Variants in CSNK2A2IP observed in about 807,000 individuals in gnomAD.
The protein encoded by CSNK2A2IP is casein kinase 2 subunit alpha' interacting protein, also known as casein kinase II subunit alpha'-interacting protein.
At chr3:88,424,060 C>T in the CSNK2A2IP span, among the ~76,000 whole-genome samples, 1 of 152,236 alleles carries the variant, frequency 6.6e-6, no homozygotes, top group Admixed American at 6.5e-5. Flanking sequence ...CCCAACTCTT[C>T]CTTTAAATTA....
the CSNK2A2IP span, among the ~76,000 whole-genome samples, chr3:88,352,242 T>C: frequency 6.6e-6 from 1 of 152,164 alleles, no homozygotes; most frequent in Non-Finnish European, 1.5e-5. Context: ...TCTATCTATC[T>C]GAATACATGC....
chr3:88,442,203 T>A, the CSNK2A2IP span, among the ~76,000 whole-genome samples: 3 of 152,118 alleles, frequency 2.0e-5, no homozygotes, highest in South Asian at 2.1e-4. Context: ...CTATGAATTT[T>A]TTTAAAATTT....
chr3:88,364,809 C>G, the CSNK2A2IP span, among the ~76,000 whole-genome samples: 1 of 152,078 alleles, frequency 6.6e-6, no homozygotes, highest in East Asian at 1.9e-4. Flanking sequence ...CAATGAAGCA[C>G]AGATTTTAGA....
the CSNK2A2IP span, among the ~76,000 whole-genome samples, chr3:88,424,139 A>C: frequency 1.3e-5 from 2 of 152,096 alleles, no homozygotes; most frequent in Non-Finnish European, 2.9e-5. Context: ...TTCCAGGCCT[A>C]ATTTTTCCTA....
the CSNK2A2IP span, among the ~76,000 whole-genome samples, chr3:88,389,447 A>G: frequency 0.038 from 5,727 of 152,274 alleles, 266 homozygotes; most frequent in African/African-American, 0.11. Flanking sequence ...GAGCAGAGGA[A>G]AATGAGGTTG....
the CSNK2A2IP span, among the ~76,000 whole-genome samples, chr3:88,407,391 T>C: frequency 6.6e-6 from 1 of 152,038 alleles, no homozygotes; most frequent in African/African-American, 2.4e-5. Flanking sequence ...TGTTTTTATG[T>C]TTTTATGGAT....
chr3:88,369,341 C>T, the CSNK2A2IP span, among the ~76,000 whole-genome samples: 2 of 151,716 alleles, frequency 1.3e-5, no homozygotes, highest in South Asian at 2.1e-4. Flanking sequence ...TGTTGTGTGA[C>T]AAATTCAGAC....
At chr3:88,364,411 G>T in the CSNK2A2IP span, among the ~76,000 whole-genome samples, 3 of 151,864 alleles carry the variant, frequency 2.0e-5, no homozygotes, top group East Asian at 5.8e-4. Context: ...GCTTCCATTT[G>T]TACTATTGCC....
the CSNK2A2IP span, among the ~76,000 whole-genome samples, chr3:88,426,845 C>T: frequency 7.3e-6 from 1 of 136,934 alleles, no homozygotes; most frequent in African/African-American, 2.7e-5. Context: ...GCTTTATTAG[C>T]AGTGTGAGAA....
At chr3:88,374,629 T>G in the CSNK2A2IP span, among the ~76,000 whole-genome samples, 1 of 151,704 alleles carries the variant, frequency 6.6e-6, no homozygotes. Flanking sequence ...TTATTGCAAT[T>G]GAAATTTTTG....
the CSNK2A2IP span, among the ~76,000 whole-genome samples, chr3:88,417,449 T>G: frequency 6.6e-6 from 1 of 152,152 alleles, no homozygotes; most frequent in Non-Finnish European, 1.5e-5. Flanking sequence ...TGCTTGTGTT[T>G]GGGCTAGTGG....
the CSNK2A2IP span, among the ~76,000 whole-genome samples, chr3:88,445,286 A>AAAAAAAAAAAAAAAAAAAAAAAAT: frequency 6.9e-6 from 1 of 145,054 alleles, no homozygotes; most frequent in Non-Finnish European, 1.5e-5. Context: ...AAAAAAAAAA[A>AAAAAAAAAAAAAAAAAAAAAAAAT]AAAAAAAAAA....
chr3:88,420,865 T>G, the CSNK2A2IP span, among the ~76,000 whole-genome samples: 3 of 152,160 alleles, frequency 2.0e-5, no homozygotes, highest in Non-Finnish European at 4.4e-5. Context: ...TTGGGTTCAT[T>G]TACATAGGAT....
the CSNK2A2IP span, among the ~76,000 whole-genome samples, chr3:88,455,391 A>G: frequency 0.33 from 49,474 of 151,804 alleles, 10,136 homozygotes; most frequent in Non-Finnish European, 0.47. Flanking sequence ...GTTTGATAAA[A>G]GCCATTCTAA....
At chr3:88,379,435 G>C in the CSNK2A2IP span, among the ~76,000 whole-genome samples, 1 of 152,080 alleles carries the variant, frequency 6.6e-6, no homozygotes, top group Non-Finnish European at 1.5e-5. Context: ...TTTTAGAGGA[G>C]GTCACTTTCT....
At chr3:88,359,857 T>C in the CSNK2A2IP span, among the ~76,000 whole-genome samples, 4 of 152,182 alleles carry the variant, frequency 2.6e-5, no homozygotes, top group African/African-American at 9.7e-5. Flanking sequence ...GGATGAAATA[T>C]TCTGTGAATA....
At chr3:88,418,297 G>T in the CSNK2A2IP span, among the ~76,000 whole-genome samples, 1 of 152,138 alleles carries the variant, frequency 6.6e-6, no homozygotes, top group Non-Finnish European at 1.5e-5. Context: ...AAAAGAAAAA[G>T]ATCGTGGTGC....
chr3:88,423,196 T>G, the CSNK2A2IP span, among the ~76,000 whole-genome samples: 1 of 152,216 alleles, frequency 6.6e-6, no homozygotes, highest in Non-Finnish European at 1.5e-5. Context: ...GATAGATTGA[T>G]GAACATCTTC....
the CSNK2A2IP span, among the ~76,000 whole-genome samples, chr3:88,426,153 A>T: frequency 6.6e-6 from 1 of 152,234 alleles, no homozygotes; most frequent in Non-Finnish European, 1.5e-5. Flanking sequence ...TTTGATATTC[A>T]TGCAAAATTA....
Sources: allele counts gnomAD v4.1 joint callset (sites outside exome capture counted in the v4.1 genomes callset), GRCh38; gene constraint gnomAD v4.1.1; transcripts MANE v1.5; gene names NCBI Gene and HGNC (gene_info 2026-07-23, HGNC 2026-07-21).